ADGRG3: variants seen among roughly 807,000 people sequenced by gnomAD.
ADGRG3 encodes the protein adhesion G protein-coupled receptor G3, also known as G protein-coupled receptor 97.
ADGRG3 carries 39 observed loss-of-function variants against 54.3 expected under a neutral mutation model. That is an observed-to-expected ratio of 0.72 (90% CI 0.56 to 0.94). The LOEUF (loss-of-function observed/expected upper bound fraction) is 0.94, where lower values mean the gene tolerates loss of function less well. Among genes scored for constraint, ADGRG3 ranks in the 40% least tolerant of loss-of-function variants. The pLI is 0.00. For synonymous variants in ADGRG3, 312 were observed against 290.0 expected (o/e 1.08, Z -0.77); for missense variants, 654 against 694.6 (o/e 0.94, Z 0.66).
intron 2 of ADGRG3, chr16:57,674,715 G>A (rs1461221505): frequency 1.8e-5 from 6 of 341,890 alleles, no homozygotes; most frequent in East Asian, 8.6e-5. Context: ...CAGGCACGGC[G>A]GCTCACACAA....
intron 8 of ADGRG3, chr16:57,682,597 G>C (rs1209235403): frequency 1.0e-6 from 1 of 985,340 alleles, no homozygotes; most frequent in African/African-American, 1.7e-5. Flanking sequence ...ATTACCACCA[G>C]CTCCCCAGGG....
At chr16:57,678,430 G>A in intron 4 of ADGRG3, 114 bp downstream of exon 4, 8 of 1,026,922 alleles carry the variant, frequency 7.8e-6, no homozygotes, top group Non-Finnish European at 1.2e-5. Flanking sequence ...AGCAGGCAGT[G>A]AGCCTCTTAG....
At chr16:57,674,559 GC>G (rs1482292075) in intron 2 of ADGRG3, 5 of 455,128 alleles carry the variant, frequency 1.1e-5, no homozygotes, top group Non-Finnish European at 1.3e-5. Flanking sequence ...TATTTCAGTG[GC>G]CTGAAAAGGC....
chr16:57,680,205 C>T lies in ADGRG3; in HGVS notation c.668-60C>T, dbSNP rs2048342304. 12 of 919,660 alleles carry T rather than the reference C, an allele frequency of 1.3e-5. No individual in the cohort carries two copies. In the East Asian group the frequency reaches 3.1e-4, roughly 24 times the overall value. The allele number at this position is 919,660 out of a possible 1,614,324, so 57.0% of individuals were successfully genotyped here. ...TTCCCCTCTGTTCCCCTCCTCTCCC[C>T]TCCCTTGCCCTCCCCTCCCTATATT... On this transcript the variant is annotated intron_variant, in intron 6 of 11. Transcript: ENST00000333493.
intron 8 of ADGRG3, among the ~76,000 whole-genome samples, chr16:57,683,497 T>A (rs1281828388): frequency 6.6e-6 from 1 of 152,230 alleles, no homozygotes; most frequent in Non-Finnish European, 1.5e-5. Context: ...ACGGGGTCCC[T>A]TTTTTATGTC....
intron 1 of ADGRG3, among the ~76,000 whole-genome samples, chr16:57,670,997 G>A (rs2048147145): frequency 6.6e-6 from 1 of 152,218 alleles, no homozygotes; most frequent in African/African-American, 2.4e-5. Flanking sequence ...CACTTCCTGG[G>A]GGTGGCAATC....
rs759182145 is a variant in ADGRG3 at position 57,676,191 on chromosome 16, C to G, written c.207-9C>G. The G allele has an allele frequency of 8.1e-6, 13 of 1,613,596 alleles. No individual in the cohort carries two copies. Among genetic ancestry groups the G allele is most frequent in the South Asian group, 1.1e-5 (1 of 91,082 alleles). The stretch of plus-strand genomic sequence containing the variant: ...ATCCTACCCTCCCCCCATCCCTGGC[C>G]CTTTGCAGATACTGGCTAAACTACG... On this transcript the variant is annotated splice_polypyrimidine_tract_variant and intron_variant, in intron 2 of 11. Transcript: ENST00000333493.
chr16:57,668,318 A>G lies in ADGRG3; in HGVS notation c.-30A>G. 1.3e-6 allele frequency: 2 copies of G among 1,548,260 alleles called. No homozygotes were observed. Among genetic ancestry groups the G allele is most frequent in the Middle Eastern group, 1.7e-4 (1 of 5,760 alleles). On this transcript the variant is annotated 5_prime_UTR_variant, in exon 1 of 12. Coordinates refer to ENST00000333493, the MANE Select transcript of ADGRG3 (RefSeq NM_170776.5). ...GGGCCAGAGGGCCAGACAGCCACAGAGCTCCTGGCGTGGGCAAGGCTGGCC... is the reference window on the plus strand; with the variant it reads ...GGGCCAGAGGGCCAGACAGCCACAGGGCTCCTGGCGTGGGCAAGGCTGGCC...
At chr16:57,684,843 G>A (rs1296465502) in intron 10 of ADGRG3, among the ~76,000 whole-genome samples, 1 of 152,116 alleles carries the variant, frequency 6.6e-6, no homozygotes, top group African/African-American at 2.4e-5. Flanking sequence ...AGGGTGTGTT[G>A]GATTTCAGCC....
chr16:57,676,519 G>T (rs138248748), intron 3 of ADGRG3, among the ~76,000 whole-genome samples, 181 bp downstream of exon 3: 128 of 152,302 alleles, frequency 8.4e-4, no homozygotes, highest in Middle Eastern at 3.4e-3. Flanking sequence ...TAAAATTTCC[G>T]TGAGCTCCTC....
In ADGRG3 at chr16:57,680,309, A is replaced by AGACCTGAGGGGACCGTGTGCTGCTGTGAC; in HGVS notation, c.713_741dup (p.His248AspfsTer12). The AGACCTGAGGGGACCGTGTGCTGCTGTGAC allele has an allele frequency of 6.2e-7, 1 of 1,611,340 alleles. No homozygotes were observed. The highest frequency in any genetic ancestry group is 1.1e-5 in the South Asian group (1 of 90,960). Reference sequence around the variant, plus strand: ...TTCTGAGGGCTGCTCCACGGAGGTCAGACCTGAGGGGACCGTGTGCTGCTG... The same window carrying AGACCTGAGGGGACCGTGTGCTGCTGTGAC: ...TTCTGAGGGCTGCTCCACGGAGGTCAGACCTGAGGGGACCGTGTGCTGCTGTGACGACCTGAGGGGACCGTGTGCTGCTG... On this transcript the variant is annotated frameshift_variant, in exon 7 of 12. Transcript: ENST00000333493. LOFTEE classifies it high-confidence loss of function.
intron 2 of ADGRG3, among the ~76,000 whole-genome samples, chr16:57,675,216 C>G (rs2048240952): frequency 6.6e-6 from 1 of 151,882 alleles, no homozygotes; most frequent in African/African-American, 2.4e-5. Context: ...TGGCTCGTGC[C>G]CAAAGTCATC....
At chr16:57,672,029 A>C (rs1323412489) in intron 1 of ADGRG3, among the ~76,000 whole-genome samples, 1 of 151,614 alleles carries the variant, frequency 6.6e-6, no homozygotes, top group Non-Finnish European at 1.5e-5. Flanking sequence ...AAAAAGGAAA[A>C]ACTAGCCAGG....
Position 57,680,591 on chromosome 16 carries a change from C to T in ADGRG3, c.855C>T (p.Phe285=). ...GCGVSMIFLA[F]TIILYAFLRL... ...GGGTCTCCATGATCTTCCTGGCCTT[C>T]ACCATTATTCTTTATGCCTTTCTGA... The change falls in exon 8 of 12, where the codon TTC becomes TTT. Residue 285 remains phenylalanine (F), a synonymous_variant. Transcript: ENST00000333493. The T allele has an allele frequency of 6.2e-7, 1 of 1,613,320 alleles. No homozygotes were observed. Among genetic ancestry groups the T allele is most frequent in the Non-Finnish European group, 8.5e-7 (1 of 1,179,300 alleles).
At position 57,673,912 on chromosome 16, in the gene ADGRG3, G is replaced by A. The variant is rs369762388; in HGVS notation, c.206+444G>A. 5.3e-5 allele frequency among the ~76,000 whole-genome samples: 8 copies of A among 152,268 alleles called. No individual in the cohort carries two copies. The East Asian group carries it at 1.2e-3, about 22-fold the overall frequency. ...GGCAACAGAACTTGAAAGTAATGGG[G>A]GATAACTGCAATGCTTTGAACTGTA... On this transcript the variant is annotated intron_variant, in intron 2 of 11. Coordinates refer to ENST00000333493, the MANE Select transcript of ADGRG3 (RefSeq NM_170776.5).
chr16:57,677,793 C>T (rs1262491070), intron 3 of ADGRG3, among the ~76,000 whole-genome samples: 6 of 152,184 alleles, frequency 3.9e-5, no homozygotes, highest in African/African-American at 9.7e-5. Context: ...GAGTCAGAAG[C>T]CAGACACTGT....
At chr16:57,682,358 C>T in intron 8 of ADGRG3, 1 of 397,396 alleles carries the variant, frequency 2.5e-6, no homozygotes, top group Non-Finnish European at 3.4e-6. Context: ...CAGGGCCGTC[C>T]CTCCGCCCTC....
chr16:57,685,252 G>C (rs543428430), intron 10 of ADGRG3, among the ~76,000 whole-genome samples: 1 of 152,212 alleles, frequency 6.6e-6, no homozygotes, highest in Admixed American at 6.5e-5. Context: ...GGGGACTGCA[G>C]CGGACTGGCA....
chr16:57,677,095 AG>A (rs1356236179), intron 3 of ADGRG3, among the ~76,000 whole-genome samples: 4 of 152,302 alleles, frequency 2.6e-5, no homozygotes, highest in Admixed American at 2.6e-4. Context: ...AGCCCTCTGC[AG>A]GGGTTATGTA....
Sources: gnomAD v4.1 joint callset for allele counts (sites outside exome capture counted in the v4.1 genomes callset) on GRCh38, gnomAD v4.1.1 for gene constraint, MANE v1.5 for transcripts, NCBI Gene and HGNC (gene_info 2026-07-23, HGNC 2026-07-21) for gene names.